The following UBE2E2 variants were observed in gnomAD, a reference collection of about 807,000 sequenced individuals.
UBE2E2 encodes ubiquitin conjugating enzyme E2 E2.
UBE2E2 carries 6 observed loss-of-function variants against 24.7 expected under a neutral mutation model. The ratio of observed to expected loss-of-function variants is 0.24; its 90% CI spans 0.13 to 0.48. The LOEUF (loss-of-function observed/expected upper bound fraction) is 0.48, where lower values mean the gene tolerates loss of function less well. UBE2E2 is among the 20% of genes least tolerant of loss of function. UBE2E2 has a pLI of 0.99. For missense variants in UBE2E2, 169 were observed against 245.0 expected, an observed-to-expected ratio of 0.69 and a Z score of 2.07; for synonymous variants, 104 against 83.6, an observed-to-expected ratio of 1.24 and a Z score of -1.33.
At chr3:23,346,181 T>C (rs1429778180) in intron 3 of UBE2E2, among the ~76,000 whole-genome samples, 2 of 152,236 alleles carry the variant, frequency 1.3e-5, no homozygotes, top group Non-Finnish European at 2.9e-5. Context: ...ACTCAGAGCC[T>C]GTTGAATTTC....
At chr3:23,542,744 T>C in intron 5 of UBE2E2, among the ~76,000 whole-genome samples, 1 of 152,242 alleles carries the variant, frequency 6.6e-6, no homozygotes, top group East Asian at 1.9e-4. Flanking sequence ...ATTTAATTTT[T>C]ATTTGAGGCT....
At chr3:23,513,676 T>G (rs1694660688) in intron 4 of UBE2E2, among the ~76,000 whole-genome samples, 1 of 152,172 alleles carries the variant, frequency 6.6e-6, no homozygotes, top group African/African-American at 2.4e-5. Context: ...ACTCCCAACT[T>G]AGGCACACCT....
At chr3:23,360,652 A>G (rs2173057) in intron 3 of UBE2E2, among the ~76,000 whole-genome samples, 130,225 of 152,072 alleles carry the variant, frequency 0.86, 56,066 homozygotes, top group African/African-American at 0.95. Context: ...AGTGGTGTCA[A>G]ATAAATGAGG....
intron 1 of UBE2E2, among the ~76,000 whole-genome samples, chr3:23,204,288 T>C (rs892231223): frequency 1.3e-5 from 2 of 152,208 alleles, no homozygotes; most frequent in Non-Finnish European, 2.9e-5. Context: ...CCATCTTCCC[T>C]TAAGGAAATT....
rs573790467 is a variant in UBE2E2 at position 23,235,188 on chromosome 3, T to C, written c.227+17876T>C. ...CAAAACAGAAAAATTGCCTTTATGA[T>C]GAGCTGGGGAAGTAAACAGACATCA... On this transcript the variant is annotated intron_variant, in intron 3 of 5. Transcript: ENST00000396703. Among the ~76,000 whole-genome samples the C allele has an allele frequency of 1.1e-4, 17 of 152,274 alleles. No homozygotes were observed. In the South Asian group the frequency reaches 2.9e-3, roughly 26 times the overall value.
intron 3 of UBE2E2, among the ~76,000 whole-genome samples, chr3:23,250,540 T>A (rs1019052201): frequency 1.9e-4 from 29 of 152,226 alleles, no homozygotes; most frequent in Non-Finnish European, 1.8e-4. Flanking sequence ...ATTCTGTCAA[T>A]TTTTGTTAGA....
chr3:23,356,257 T>G (rs143819308), intron 3 of UBE2E2, among the ~76,000 whole-genome samples: 24 of 152,306 alleles, frequency 1.6e-4, no homozygotes, highest in African/African-American at 5.5e-4. Context: ...GATCAAGAGT[T>G]TAAGCCAGAC....
At chr3:23,578,768 C>T (rs1696402063) in intron 5 of UBE2E2, among the ~76,000 whole-genome samples, 1 of 151,984 alleles carries the variant, frequency 6.6e-6, no homozygotes, top group African/African-American at 2.4e-5. Flanking sequence ...CACCCTGGGG[C>T]CTGTCAGAGG....
intron 3 of UBE2E2, among the ~76,000 whole-genome samples, chr3:23,268,988 C>T (rs1698150388): frequency 6.6e-6 from 1 of 151,858 alleles, no homozygotes; most frequent in Admixed American, 6.6e-5. Flanking sequence ...GCTGGGAAAA[C>T]TGGCTAGCCA....
chr3:23,580,336 A>G (rs959373189), intron 5 of UBE2E2, among the ~76,000 whole-genome samples: 11 of 152,224 alleles, frequency 7.2e-5, no homozygotes, highest in African/African-American at 2.7e-4. Flanking sequence ...AAATTGCCAT[A>G]GCCACCCCAG....
intron 3 of UBE2E2, among the ~76,000 whole-genome samples, chr3:23,319,259 C>A (rs1444602775): frequency 6.6e-6 from 1 of 152,010 alleles, no homozygotes; most frequent in Non-Finnish European, 1.5e-5. Context: ...TTAATTTATT[C>A]ATTACTCTCT....
At chr3:23,561,559 T>A (rs201796256) in intron 5 of UBE2E2, among the ~76,000 whole-genome samples, 1 of 151,314 alleles carries the variant, frequency 6.6e-6, no homozygotes. Context: ...ATGCGGGCTC[T>A]TTTTTGGTTC....
intron 3 of UBE2E2, among the ~76,000 whole-genome samples, chr3:23,365,792 C>G (rs748363189): frequency 6.6e-6 from 1 of 152,058 alleles, no homozygotes; most frequent in Non-Finnish European, 1.5e-5. Context: ...CAAAAAAGAG[C>G]CTGAATAGCC....
intron 3 of UBE2E2, among the ~76,000 whole-genome samples, chr3:23,412,916 G>A (rs1047167435): frequency 1.1e-4 from 17 of 152,046 alleles, no homozygotes; most frequent in Non-Finnish European, 1.6e-4. Context: ...ATAATTGTTG[G>A]CCCTTACCCA....
At chr3:23,313,348 G>GGT (rs1261681829) in intron 3 of UBE2E2, among the ~76,000 whole-genome samples, 1 of 148,166 alleles carries the variant, frequency 6.7e-6, no homozygotes, top group Admixed American at 6.7e-5. Flanking sequence ...TGTCTTTATA[G>GGT]GTGAAGTGTG....
At chr3:23,210,249 T>C (rs1483041680) in intron 2 of UBE2E2, among the ~76,000 whole-genome samples, 1 of 152,180 alleles carries the variant, frequency 6.6e-6, no homozygotes, top group African/African-American at 2.4e-5. Flanking sequence ...CAGTCCTCAG[T>C]GTCTGATTGG....
At chr3:23,246,930 A>G (rs1377074905) in intron 3 of UBE2E2, among the ~76,000 whole-genome samples, 2 of 151,996 alleles carry the variant, frequency 1.3e-5, no homozygotes, top group African/African-American at 4.8e-5. Context: ...CTGTGTGGCC[A>G]GGCTGGTCTC....
intron 2 of UBE2E2, among the ~76,000 whole-genome samples, chr3:23,216,155 A>G (rs891340167): frequency 6.6e-6 from 1 of 152,142 alleles, no homozygotes; most frequent in African/African-American, 2.4e-5. Flanking sequence ...TTGACTTTGA[A>G]TTTCTTAGCC....
Position 23,410,465 on chromosome 3 carries a change from T to C in UBE2E2, c.228-89143T>C, listed in dbSNP as rs577018069. Among the ~76,000 whole-genome samples the C allele has an allele frequency of 5.3e-5, 8 of 152,316 alleles. No homozygotes were observed. The South Asian group carries it at 1.7e-3, about 32-fold the overall frequency. On this transcript the variant is annotated intron_variant, in intron 3 of 5. Transcript: ENST00000396703. ...AGAGAGAACTTAGCTGTAAACCCTA[T>C]TTAGCATACATATAAAGTAACGAGG...
Sources: allele counts gnomAD v4.1 joint callset (sites outside exome capture counted in the v4.1 genomes callset), GRCh38; gene constraint gnomAD v4.1.1; transcripts MANE v1.5; gene names NCBI Gene and HGNC (gene_info 2026-07-23, HGNC 2026-07-21).